COP1: variants seen among roughly 807,000 people sequenced by gnomAD.
The protein encoded by COP1 is E3 ubiquitin-protein ligase COP1.
A neutral mutation model predicts 101.3 loss-of-function variants in COP1; 24 were observed. That is an observed-to-expected ratio of 0.24 (90% CI 0.17 to 0.33). COP1 has a LOEUF of 0.33. Ranked by LOEUF, COP1 falls within the 10% of genes least tolerant of loss-of-function variation. COP1 has a pLI of 1.00. For synonymous variants in COP1, 347 were observed against 341.9 expected (o/e 1.01, Z -0.17); for missense variants, 663 against 906.2 (o/e 0.73, Z 3.45).
chr1:176,008,821 T>C (rs1400855596), intron 15 of COP1, among the ~76,000 whole-genome samples: 2 of 152,244 alleles, frequency 1.3e-5, no homozygotes, highest in Non-Finnish European at 1.5e-5. Flanking sequence ...GCCACTGACA[T>C]CTTTAATGAG....
chr1:176,104,396 G>T (rs1683946569), intron 9 of COP1, among the ~76,000 whole-genome samples: 1 of 151,986 alleles, frequency 6.6e-6, no homozygotes, highest in Admixed American at 6.6e-5. Flanking sequence ...AGGCAACACA[G>T]GTCATAGGTA....
chr1:176,079,993 TAA>T (rs566422234), intron 11 of COP1, among the ~76,000 whole-genome samples: 1 of 146,316 alleles, frequency 6.8e-6, no homozygotes. Flanking sequence ...CCCTGTCTCT[TAA>T]AAAAAAAAAA....
At chr1:176,032,929 AG>A (rs1408260384) in intron 14 of COP1, among the ~76,000 whole-genome samples, 1 of 152,190 alleles carries the variant, frequency 6.6e-6, no homozygotes, top group Non-Finnish European at 1.5e-5. Flanking sequence ...TTTAACTTAT[AG>A]GAAAGGTAAT....
intron 8 of COP1, among the ~76,000 whole-genome samples, chr1:176,125,102 C>T (rs1026167555): frequency 3.0e-4 from 19 of 62,718 alleles, no homozygotes; most frequent in African/African-American, 5.5e-4. Context: ...AATGATTATT[C>T]GATTTTTTTT....
At chr1:176,184,426 T>G (rs1698196341) in intron 2 of COP1, among the ~76,000 whole-genome samples, 1 of 152,174 alleles carries the variant, frequency 6.6e-6, no homozygotes, top group South Asian at 2.1e-4. Flanking sequence ...GTAAGGCCTA[T>G]TCTAAATCTA....
Position 175,989,310 on chromosome 1 carries a change from G to GT in COP1, c.1847+51dup, listed in dbSNP as rs1345638963. ...CCTCAGTGACATTACAAGCTGGTAG[G>GT]TAAGTACAGAGCTCTGTATTAAGCT... On this transcript the variant is annotated intron_variant, in intron 16 of 19. Transcript: ENST00000367669. 4.6e-6 allele frequency: 4 copies of GT among 872,102 alleles called. No individual in the cohort carries two copies. The African/African-American group carries it at 4.9e-5, about 11-fold the overall frequency. 54.0% of individuals were successfully genotyped at this position (872,102 alleles called of 1,614,324 possible).
chr1:176,167,139 G>A (rs908939260), intron 3 of COP1, among the ~76,000 whole-genome samples: 1 of 152,052 alleles, frequency 6.6e-6, no homozygotes, highest in South Asian at 2.1e-4. Context: ...ACATTCAAAT[G>A]TCTATATATG....
rs1680016354 is a variant in COP1, at chr1:176,085,723, A to C, written c.1141+53T>G. 5.5e-6 allele frequency: 6 copies of C among 1,100,876 alleles called. No homozygotes were observed. In the South Asian group the frequency reaches 1.0e-4, roughly 18 times the overall value. The allele number at this position is 1,100,876 out of a possible 1,614,324, so 68.2% of individuals were successfully genotyped here. On this transcript the variant is annotated intron_variant, in intron 10 of 19. Coordinates refer to ENST00000367669, the MANE Select transcript of COP1 (RefSeq NM_022457.7). ...CCATAAATTCAGCACAAAAACCTAG[A>C]AACAGATCTGAAATGTAGATTTCAG...
At chr1:176,171,483 A>C (rs544701923) in intron 3 of COP1, among the ~76,000 whole-genome samples, 1 of 152,214 alleles carries the variant, frequency 6.6e-6, no homozygotes, top group African/African-American at 2.4e-5. Context: ...ATCAGCAATA[A>C]GCGATTTTGC....
chr1:176,062,804 ATAC>A (rs1300126056), intron 11 of COP1, among the ~76,000 whole-genome samples: 1 of 152,184 alleles, frequency 6.6e-6, no homozygotes, highest in Non-Finnish European at 1.5e-5. Context: ...AGACAATAAA[ATAC>A]TACTCAATAA....
At chr1:176,029,607 G>A (rs748835426) in intron 14 of COP1, among the ~76,000 whole-genome samples, 63 of 152,186 alleles carry the variant, frequency 4.1e-4, no homozygotes, top group Non-Finnish European at 8.7e-4. Context: ...ATTATCCAGA[G>A]AGGGTCCAGG....
chr1:175,987,557 T>C (rs1316486309), intron 17 of COP1, among the ~76,000 whole-genome samples: 1 of 152,216 alleles, frequency 6.6e-6, no homozygotes, highest in Non-Finnish European at 1.5e-5. Flanking sequence ...TTTCATAGCC[T>C]ACATAATTTA....
At chr1:176,175,760 A>G (rs779061527) in intron 3 of COP1, 150 bp downstream of exon 3, 1 of 441,702 alleles carries the variant, frequency 2.3e-6, no homozygotes, top group Non-Finnish European at 4.0e-6. Flanking sequence ...TATAGAATCT[A>G]TGTCACAACC....
At chr1:175,956,286 TGAAAC>T (rs1455968387) in intron 18 of COP1, among the ~76,000 whole-genome samples, 2 of 152,036 alleles carry the variant, frequency 1.3e-5, no homozygotes, top group Non-Finnish European at 2.9e-5. Flanking sequence ...TGCAGGTATG[TGAAAC>T]AACCATATGT....
At chr1:176,113,945 G>GT (rs11435143) in intron 9 of COP1, among the ~76,000 whole-genome samples, 64,826 of 144,768 alleles carry the variant, frequency 0.45, 14,697 homozygotes, top group East Asian at 0.61. Context: ...TCAGGGTAGG[G>GT]TTTTTTTTTT....
chr1:176,193,331 G>A (rs1572784593), intron 1 of COP1, among the ~76,000 whole-genome samples: 1 of 152,242 alleles, frequency 6.6e-6, no homozygotes, highest in African/African-American at 2.4e-5. Flanking sequence ...GGAAAATAAA[G>A]TAATGCAGCT....
At chr1:175,992,643 G>A (rs1232124958) in intron 15 of COP1, among the ~76,000 whole-genome samples, 5 of 152,228 alleles carry the variant, frequency 3.3e-5, no homozygotes, top group African/African-American at 2.4e-5. Context: ...CTCGCTGACT[G>A]CAAGCACAGC....
At chr1:176,196,881 C>CAAAAAAA (rs1251212971) in intron 1 of COP1, among the ~76,000 whole-genome samples, 1 of 67,834 alleles carries the variant, frequency 1.5e-5, no homozygotes, top group African/African-American at 5.5e-5. Flanking sequence ...TGTCTCTACG[C>CAAAAAAA]AAAAAAAAAA....
intron 18 of COP1, among the ~76,000 whole-genome samples, chr1:175,959,393 G>A (rs1161642907): frequency 6.6e-6 from 1 of 151,966 alleles, no homozygotes; most frequent in Non-Finnish European, 1.5e-5. Context: ...TGAGGAACAA[G>A]TCAACGATGC....
Sources: allele counts gnomAD v4.1 joint callset (sites outside exome capture counted in the v4.1 genomes callset), GRCh38; gene constraint gnomAD v4.1.1; transcripts MANE v1.5; gene names NCBI Gene and HGNC (gene_info 2026-07-23, HGNC 2026-07-21).